The following CGGBP1 variants were observed in gnomAD, a reference collection of about 807,000 sequenced individuals.
The protein encoded by CGGBP1 is CGG triplet repeat-binding protein 1.
Under a neutral mutation model 11.4 loss-of-function variants are expected in CGGBP1, and 4 were observed. That is an observed-to-expected ratio of 0.35 (90% CI 0.17 to 0.80). The LOEUF (loss-of-function observed/expected upper bound fraction) is 0.80, where lower values mean the gene tolerates loss of function less well. CGGBP1 is among the 30% of genes least tolerant of loss of function. The pLI, the probability that CGGBP1 is intolerant of heterozygous loss-of-function variation, is 0.52. For synonymous variants in CGGBP1, 76 were observed against 74.1 expected, an observed-to-expected ratio of 1.03 and a Z score of -0.13; for missense variants, 135 against 202.1, an observed-to-expected ratio of 0.67 and a Z score of 2.01.
At chr3:88,096,356 C>T (rs1704058386) in intron 2 of CGGBP1, among the ~76,000 whole-genome samples, 2 of 151,978 alleles carry the variant, frequency 1.3e-5, no homozygotes. Flanking sequence ...GAGGAAGCAG[C>T]ACCGATTTGT....
At chr3:88,089,429 T>C (rs1708521026) in intron 2 of CGGBP1, among the ~76,000 whole-genome samples, 1 of 151,520 alleles carries the variant, frequency 6.6e-6, no homozygotes, top group Non-Finnish European at 1.5e-5. Context: ...AGGCGGAGGT[T>C]GCAGTGAGCC....
chr3:88,112,287 TA>T (rs1268245475), intron 2 of CGGBP1, among the ~76,000 whole-genome samples: 3 of 55,796 alleles, frequency 5.4e-5, no homozygotes, highest in African/African-American at 1.2e-4. Flanking sequence ...AAGCAAAAAC[TA>T]TTAAAAAAAC....
chr3:88,102,089 A>G (rs1412624938), intron 2 of CGGBP1, among the ~76,000 whole-genome samples: 2 of 152,020 alleles, frequency 1.3e-5, no homozygotes, highest in African/African-American at 4.8e-5. Context: ...ATCCCATGCT[A>G]TATCTTGTCT....
chr3:88,144,800 A>AT (rs1009387254), intron 1 of CGGBP1: 15 of 152,196 alleles, frequency 9.9e-5, no homozygotes, highest in Non-Finnish European at 1.6e-4. Context: ...GGATTGAGTG[A>AT]TTTTTTTAAA....
At chr3:88,141,136 A>G (rs1217771361) in intron 1 of CGGBP1, 1 of 1,454,772 alleles carries the variant, frequency 6.9e-7, no homozygotes, top group African/African-American at 1.4e-5. Context: ...GATTTAAAAA[A>G]TTGATATTTG....
intron 2 of CGGBP1, among the ~76,000 whole-genome samples, chr3:88,102,546 A>G (rs924381096): frequency 4.6e-5 from 7 of 152,260 alleles, no homozygotes; most frequent in African/African-American, 1.7e-4. Context: ...AACATGGTTA[A>G]TCTTTTCTCT....
upstream of CGGBP1, chr3:88,059,425 G>C (rs1371616339): frequency 6.6e-7 from 1 of 1,526,686 alleles, no homozygotes; most frequent in Admixed American, 2.1e-5. Flanking sequence ...TGCGGGCGAC[G>C]GCAGAGGCGG....
At chr3:88,135,110 A>G (rs1462841151) in intron 2 of CGGBP1, 1 of 1,481,434 alleles carries the variant, frequency 6.8e-7, no homozygotes, top group Non-Finnish European at 8.9e-7. Flanking sequence ...TAATCCTTCA[A>G]AACAAGTTTT....
intron 2 of CGGBP1, among the ~76,000 whole-genome samples, chr3:88,067,613 C>A (rs994053419): frequency 1.3e-5 from 2 of 152,174 alleles, no homozygotes; most frequent in African/African-American, 4.8e-5. Context: ...TGTGGTGTCA[C>A]AAAAGGCAAG....
At chr3:88,068,039 GTGGAGGGGTGT>G (rs911943997) in intron 2 of CGGBP1, among the ~76,000 whole-genome samples, 4 of 152,194 alleles carry the variant, frequency 2.6e-5, no homozygotes, top group Non-Finnish European at 4.4e-5. Flanking sequence ...CAAAGCACAA[GTGGAGGGGTGT>G]TGCTTTATAT....
chr3:88,052,423 C>T lies in CGGBP1; in HGVS notation c.*3050G>A, dbSNP rs2107553750. On this transcript the variant is annotated 3_prime_UTR_variant, in exon 4 of 4. Coordinates refer to ENST00000482016, the MANE Select transcript of CGGBP1 (RefSeq NM_001008390.2). ...TGGGGTAAGTCAAACCACAGAGAGC[C>T]CTTACAAAGACTAAGCACCAAATGA... 6.6e-6 allele frequency: 1 copy of T among 152,652 alleles called. No individual in the cohort carries two copies. Among genetic ancestry groups the T allele is most frequent in the East Asian group, 1.9e-4 (1 of 5,180 alleles). 9.5% of individuals were successfully genotyped at this position (152,652 alleles called of 1,614,324 possible). A position where few individuals can be genotyped will look rare whatever the true frequency, so the allele number is the denominator to read the frequency against.
chr3:88,149,011 G>C (rs527408173), intron 1 of CGGBP1, among the ~76,000 whole-genome samples: 2 of 152,236 alleles, frequency 1.3e-5, no homozygotes, highest in East Asian at 3.9e-4. Context: ...GCTACTAAAT[G>C]GCAATACCCC....
chr3:88,126,058 T>C, intron 2 of CGGBP1: 1 of 1,336,492 alleles, frequency 7.5e-7, no homozygotes, highest in Non-Finnish European at 9.8e-7. Context: ...CATCAGTCAT[T>C]TTATTGACAA....
intron 2 of CGGBP1, among the ~76,000 whole-genome samples, chr3:88,129,504 A>G (rs1307786552): frequency 1.3e-5 from 2 of 152,124 alleles, no homozygotes; most frequent in African/African-American, 4.8e-5. Context: ...TAGTCATTGT[A>G]AAATGTAGGT....
At chr3:88,064,082 T>C (rs1291278557) in intron 2 of CGGBP1, among the ~76,000 whole-genome samples, 1 of 150,412 alleles carries the variant, frequency 6.6e-6, no homozygotes, top group East Asian at 2.0e-4. Context: ...AAAACAAGAA[T>C]GGATATTATT....
At chr3:88,073,560 C>T (rs950947152) in intron 2 of CGGBP1, among the ~76,000 whole-genome samples, 8 of 152,112 alleles carry the variant, frequency 5.3e-5, no homozygotes, top group African/African-American at 1.9e-4. Context: ...ATTATGTATA[C>T]TAAAGTACTT....
chr3:88,055,054 T>G lies in CGGBP1; in HGVS notation c.*419A>C, dbSNP rs1706511543. 6.4e-6 allele frequency: 1 copy of G among 155,074 alleles called. No individual in the cohort carries two copies. Among genetic ancestry groups the G allele is most frequent in the Admixed American group, 6.5e-5 (1 of 15,394 alleles). 9.6% of individuals were successfully genotyped at this position (155,074 alleles called of 1,614,324 possible). A position where few individuals can be genotyped will look rare whatever the true frequency, so the allele number is the denominator to read the frequency against. On this transcript the variant is annotated 3_prime_UTR_variant, in exon 4 of 4. Transcript: ENST00000482016. The surrounding 1 kb of genome is among the most constrained non-coding windows in gnomAD (Gnocchi z 4.2). Reference sequence around the variant, plus strand: ...AGGATCCTCTAAAGAAAATAATTCCTTTAAGTTACTGTTAAGTGGTGTTGC... The same window carrying G: ...AGGATCCTCTAAAGAAAATAATTCCGTTAAGTTACTGTTAAGTGGTGTTGC...
intron 2 of CGGBP1, among the ~76,000 whole-genome samples, chr3:88,064,299 G>T (rs536684005): frequency 1.3e-5 from 2 of 152,120 alleles, no homozygotes; most frequent in Non-Finnish European, 2.9e-5. Context: ...ACAGGAAGGA[G>T]ATAGGGACTA....
At chr3:88,066,108 A>C (rs1431378625) in intron 2 of CGGBP1, among the ~76,000 whole-genome samples, 1 of 152,232 alleles carries the variant, frequency 6.6e-6, no homozygotes, top group Non-Finnish European at 1.5e-5. Flanking sequence ...TTGTTTCCCC[A>C]AAGCATGTGA....
Sources: allele counts gnomAD v4.1 joint callset (sites outside exome capture counted in the v4.1 genomes callset), GRCh38; gene constraint gnomAD v4.1.1; non-coding constraint Gnocchi (gnomAD v3.1); transcripts MANE v1.5; gene names NCBI Gene and HGNC (gene_info 2026-07-23, HGNC 2026-07-21).